Variants in PTPN2 observed in about 807,000 individuals in gnomAD.
PTPN2 encodes the protein tyrosine-protein phosphatase non-receptor type 2.
Under a neutral mutation model 57.3 loss-of-function variants are expected in PTPN2, and 19 were observed. The observed-to-expected ratio is 0.33, with a 90% CI of 0.23 to 0.49. The LOEUF (loss-of-function observed/expected upper bound fraction) is 0.49, where lower values mean the gene tolerates loss of function less well. PTPN2 is among the 20% of genes least tolerant of loss of function. The pLI, the probability that PTPN2 is intolerant of heterozygous loss-of-function variation, is 0.99. For missense variants in PTPN2, 358 were observed against 501.1 expected, an observed-to-expected ratio of 0.71 and a Z score of 2.73; for synonymous variants, 153 against 164.9, an observed-to-expected ratio of 0.93 and a Z score of 0.55.
At chr18:12,875,446 T>A (rs1180961306) in intron 1 of PTPN2, among the ~76,000 whole-genome samples, 3 of 152,342 alleles carry the variant, frequency 2.0e-5, no homozygotes, top group Middle Eastern at 6.8e-3. Flanking sequence ...ATGTCTTAAA[T>A]TTTACATGCT....
At chr18:12,857,458 G>A (rs143552465) in intron 2 of PTPN2, among the ~76,000 whole-genome samples, 38 of 152,296 alleles carry the variant, frequency 2.5e-4, no homozygotes, top group African/African-American at 9.1e-4. Context: ...AACTAGGTGA[G>A]GGGTATACTC....
intron 6 of PTPN2, among the ~76,000 whole-genome samples, chr18:12,816,665 G>GGGAGTAAC (rs1304137165): frequency 6.6e-6 from 1 of 152,166 alleles, no homozygotes; most frequent in East Asian, 1.9e-4. Flanking sequence ...GGAACCTCAG[G>GGGAGTAAC]GGAGTAACAG....
chr18:12,801,498 A>C (rs2041422894), intron 8 of PTPN2, among the ~76,000 whole-genome samples: 1 of 152,160 alleles, frequency 6.6e-6, no homozygotes, highest in African/African-American at 2.4e-5. Flanking sequence ...AGAGAAAAAA[A>C]AAGGTTATAT....
intron 4 of PTPN2, among the ~76,000 whole-genome samples, chr18:12,830,429 G>A (rs751327175): frequency 1.1e-4 from 16 of 152,074 alleles, no homozygotes; most frequent in Admixed American, 8.5e-4. Flanking sequence ...CACCGTGCCT[G>A]GCCTAATCCT....
intron 8 of PTPN2, among the ~76,000 whole-genome samples, chr18:12,796,204 A>G (rs1598731818): frequency 6.6e-6 from 1 of 152,232 alleles, no homozygotes; most frequent in Admixed American, 6.5e-5. Context: ...AAAGAATCAC[A>G]TCAACTAAAT....
At chr18:12,876,531 G>A (rs1162925657) in intron 1 of PTPN2, among the ~76,000 whole-genome samples, 1 of 152,154 alleles carries the variant, frequency 6.6e-6, no homozygotes, top group Non-Finnish European at 1.5e-5. Context: ...AAAGCTAGGA[G>A]ACAAACGCAA....
At chr18:12,861,889 G>C (rs1375980828) in intron 1 of PTPN2, among the ~76,000 whole-genome samples, 1 of 152,184 alleles carries the variant, frequency 6.6e-6, no homozygotes, top group Non-Finnish European at 1.5e-5. Context: ...ATACAAAAGA[G>C]GGTAAGGCCC....
intron 2 of PTPN2, among the ~76,000 whole-genome samples, chr18:12,858,918 A>G (rs2043692612): frequency 6.6e-6 from 1 of 152,246 alleles, no homozygotes; most frequent in Non-Finnish European, 1.5e-5. Context: ...ACTGTGCATA[A>G]GAAAAACAGG....
intron 4 of PTPN2, among the ~76,000 whole-genome samples, chr18:12,826,318 G>A (rs1295436512): frequency 1.3e-5 from 2 of 152,086 alleles, no homozygotes; most frequent in South Asian, 2.1e-4. Context: ...CAGGAGAATC[G>A]CTTGAACCCA....
At chr18:12,808,221 A>G (rs1478026829) in intron 7 of PTPN2, among the ~76,000 whole-genome samples, 3 of 152,124 alleles carry the variant, frequency 2.0e-5, no homozygotes, top group Admixed American at 6.6e-5. Flanking sequence ...TTTTATATAC[A>G]CATAAAATCC....
chr18:12,831,600 A>T (rs546610990), intron 3 of PTPN2, among the ~76,000 whole-genome samples: 1 of 152,328 alleles, frequency 6.6e-6, no homozygotes, highest in South Asian at 2.1e-4. Context: ...TGCCTCCCAC[A>T]CATCATAGAA....
In PTPN2 at chr18:12,818,370, T is replaced by A. The variant is rs2042149789; in HGVS notation, c.496-1005A>T. ...AAATTGTTGCCTTTCCCCATGGCAATAATTTCCAATCCTAAAGCTGTTTAT... is the reference window on the plus strand; with the variant it reads ...AAATTGTTGCCTTTCCCCATGGCAAAAATTTCCAATCCTAAAGCTGTTTAT... On this transcript the variant is annotated intron_variant, in intron 5 of 8. Transcript: ENST00000309660. 2.0e-5 allele frequency among the ~76,000 whole-genome samples: 3 copies of A among 152,354 alleles called. No homozygotes were observed. In the South Asian group the frequency reaches 6.2e-4, roughly 32 times the overall value.
chr18:12,842,439 TCA>T (rs1446551748), intron 2 of PTPN2, among the ~76,000 whole-genome samples: 11 of 152,042 alleles, frequency 7.2e-5, no homozygotes, highest in African/African-American at 2.7e-4. Context: ...GTAACGGGAC[TCA>T]CAGCGCTGGG....
chr18:12,841,907 CA>C (rs1165236628), intron 2 of PTPN2, among the ~76,000 whole-genome samples: 12 of 94,062 alleles, frequency 1.3e-4, no homozygotes, highest in Non-Finnish European at 2.3e-4. Context: ...AGTATCTCAC[CA>C]TTTTTTTTTT....
chr18:12,875,040 T>C (rs571847748), intron 1 of PTPN2, among the ~76,000 whole-genome samples: 1 of 152,296 alleles, frequency 6.6e-6, no homozygotes, highest in East Asian at 1.9e-4. Context: ...ACATGTGCTG[T>C]GTCCACTCAG....
chr18:12,874,005 C>T (rs1399256101), intron 1 of PTPN2, among the ~76,000 whole-genome samples: 2 of 151,738 alleles, frequency 1.3e-5, no homozygotes, highest in African/African-American at 2.4e-5. Context: ...GGAGACCCTC[C>T]ACCTGGCAAC....
Position 12,814,194 on chromosome 18 carries a change from G to A in PTPN2, c.858+9C>T. ...AATAGATATGATTTAAAACCTGTAT[G>A]AAGTTTACCTGTATACTAGAATCTC... On this transcript the variant is annotated intron_variant, in intron 7 of 8. Transcript: ENST00000309660. The A allele has an allele frequency of 1.3e-6, 2 of 1,554,334 alleles. No individual in the cohort carries two copies. Among genetic ancestry groups the A allele is most frequent in the Non-Finnish European group, 1.8e-6 (2 of 1,136,264 alleles).
intron 3 of PTPN2, among the ~76,000 whole-genome samples, chr18:12,835,382 C>CTTTCTTTTTTTTTTTTTTTTTTTTTTTTT (rs2042821259): frequency 2.0e-5 from 2 of 99,020 alleles, no homozygotes; most frequent in African/African-American, 8.4e-5. Context: ...TCACATATGT[C>CTTTCTTTTTTTTTTTTTTTTTTTTTTTTT]TTTTTTTTTT....
At chr18:12,827,436 G>C (rs898801317) in intron 4 of PTPN2, among the ~76,000 whole-genome samples, 5 of 149,926 alleles carry the variant, frequency 3.3e-5, no homozygotes, top group African/African-American at 1.2e-4. Context: ...CTCTGTAGTA[G>C]CCCAGGCTGG....
Sources: allele counts gnomAD v4.1 joint callset (sites outside exome capture counted in the v4.1 genomes callset), GRCh38; gene constraint gnomAD v4.1.1; transcripts MANE v1.5; gene names NCBI Gene and HGNC (gene_info 2026-07-23, HGNC 2026-07-21).